PRKCH: variants seen among roughly 807,000 people sequenced by gnomAD.
PRKCH encodes protein kinase C eta.
In PRKCH, 28 loss-of-function variants were observed where a neutral mutation model predicts 82.5. The observed-to-expected ratio is 0.34, with a 90% CI of 0.25 to 0.47. PRKCH has a LOEUF of 0.47. PRKCH is among the 20% of genes least tolerant of loss of function. The pLI is 1.00. For missense variants in PRKCH, 705 were observed against 881.8 expected, an observed-to-expected ratio of 0.80 and a Z score of 2.54; for synonymous variants, 322 against 327.4, an observed-to-expected ratio of 0.98 and a Z score of 0.18.
At chr14:61,221,298 AT>A (rs1479470046) in intron 1 of PRKCH, among the ~76,000 whole-genome samples, 1 of 152,164 alleles carries the variant, frequency 6.6e-6, no homozygotes, top group Non-Finnish European at 1.5e-5. Context: ...TTCTCTAGGG[AT>A]TTCCCATTAA....
chr14:61,512,792 ATTTTC>A (rs2042764647), intron 10 of PRKCH, among the ~76,000 whole-genome samples: 1 of 152,062 alleles, frequency 6.6e-6, no homozygotes, highest in South Asian at 2.1e-4. Flanking sequence ...TACAAGCCCA[ATTTTC>A]TTTGTTTTGG....
At chr14:61,517,083 G>A (rs1208728618) in intron 10 of PRKCH, among the ~76,000 whole-genome samples, 2 of 152,152 alleles carry the variant, frequency 1.3e-5, no homozygotes, top group South Asian at 2.1e-4. Flanking sequence ...ACTGATTCTA[G>A]TGGGCAGGCT....
chr14:61,547,722 C>A, intron 12 of PRKCH, 21 bp from the exon 13 acceptor site: 1 of 1,606,534 alleles, frequency 6.2e-7, no homozygotes, highest in Non-Finnish European at 8.5e-7. Context: ...ATGATTGACA[C>A]TTTCTCTCTC....
intron 1 of PRKCH, among the ~76,000 whole-genome samples, chr14:61,284,363 A>G (rs28469795): frequency 0.034 from 5,148 of 152,334 alleles, 302 homozygotes; most frequent in African/African-American, 0.12. Flanking sequence ...AAAGGCGAAG[A>G]AAATGAAACC....
intron 2 of PRKCH, among the ~76,000 whole-genome samples, chr14:61,427,103 A>C (rs1021379733): frequency 6.6e-6 from 1 of 152,096 alleles, no homozygotes; most frequent in African/African-American, 2.4e-5. Context: ...CAATCAGTAC[A>C]TGTGAGGTAT....
At chr14:61,461,663 G>A (rs1033652255) in intron 9 of PRKCH, among the ~76,000 whole-genome samples, 3 of 152,144 alleles carry the variant, frequency 2.0e-5, no homozygotes, top group Non-Finnish European at 4.4e-5. Context: ...TACCTAACAG[G>A]GGAATTTGAT....
chr14:61,232,409 C>T (rs1280020495), intron 1 of PRKCH, among the ~76,000 whole-genome samples: 1 of 152,160 alleles, frequency 6.6e-6, no homozygotes, highest in Non-Finnish European at 1.5e-5. Context: ...TTAATAGAGA[C>T]AGGGTTTCAC....
At chr14:61,480,884 T>C (rs1234293583) in intron 9 of PRKCH, among the ~76,000 whole-genome samples, 1 of 152,168 alleles carries the variant, frequency 6.6e-6, no homozygotes, top group Non-Finnish European at 1.5e-5. Context: ...CCTGACATCT[T>C]ACACTTCAAC....
At chr14:61,485,083 C>T (rs1886153672) in intron 9 of PRKCH, among the ~76,000 whole-genome samples, 2 of 151,882 alleles carry the variant, frequency 1.3e-5, no homozygotes, top group African/African-American at 2.4e-5. Flanking sequence ...TTGTTCTCTG[C>T]CCATTTGTGA....
upstream of PRKCH, among the ~76,000 whole-genome samples, chr14:61,318,053 C>G (rs1057004193): frequency 1.3e-5 from 2 of 151,948 alleles, no homozygotes; most frequent in East Asian, 1.9e-4. Context: ...CTCTTTATCC[C>G]TGCCCCAATC....
chr14:61,479,284 C>A (rs1303779351), intron 9 of PRKCH, among the ~76,000 whole-genome samples: 1 of 152,216 alleles, frequency 6.6e-6, no homozygotes, highest in Non-Finnish European at 1.5e-5. Flanking sequence ...CTGCACACAG[C>A]CTAGACTAAA....
intron 1 of PRKCH, among the ~76,000 whole-genome samples, chr14:61,252,147 A>G (rs2140073701): frequency 6.6e-6 from 1 of 152,088 alleles, no homozygotes; most frequent in South Asian, 2.1e-4. Flanking sequence ...CGAGGGTCTT[A>G]TTTTTAACAT....
At chr14:61,520,976 C>G (rs1001595034) in intron 10 of PRKCH, among the ~76,000 whole-genome samples, 4 of 152,048 alleles carry the variant, frequency 2.6e-5, no homozygotes, top group Non-Finnish European at 4.4e-5. Context: ...TAAAACAACC[C>G]AAATGTTTAT....
chr14:61,320,545 G>C (rs2045602848), upstream of PRKCH, among the ~76,000 whole-genome samples: 2 of 152,196 alleles, frequency 1.3e-5, no homozygotes, highest in Non-Finnish European at 2.9e-5. Context: ...GTTGCGGTGA[G>C]CCGAGATGGC....
At chr14:61,319,973 G>A (rs1594908428), upstream of PRKCH, among the ~76,000 whole-genome samples, 1 of 152,266 alleles carries the variant, frequency 6.6e-6, no homozygotes, top group Non-Finnish European at 1.5e-5. Flanking sequence ...ATGTGAAATC[G>A]TTGAGAACCT....
chr14:61,457,662 T>G lies in PRKCH; in HGVS notation c.1261T>G (p.Cys421Gly). The change falls in exon 9 of 14, where the codon TGC (cysteine) becomes GGC (glycine). Residue 421 changes from cysteine (C) to glycine (G), a missense_variant. Physicochemically the swap from Cys to Gly is radical, Grantham distance 159. This residue lies in a region of PRKCH where 238 missense variants were observed against 258.1 expected (regional missense o/e 0.92). Transcript: ENST00000332981. ...TCACCCCTTCCTCACTCAGTTGTTC[T>G]GCTGCTTTCAGACCCCCGTAAGTAT... Reference protein sequence around the residue: ...RNHPFLTQLFCCFQTPDRLFF... With the variant: ...RNHPFLTQLFGCFQTPDRLFF... 1 of 1,614,184 alleles carries G rather than the reference T, an allele frequency of 6.2e-7. No homozygotes were observed.
chr14:61,226,670 G>T lies in PRKCH; in HGVS notation c.-19+39002G>T, dbSNP rs538856336. 3.9e-5 allele frequency among the ~76,000 whole-genome samples: 6 copies of T among 152,298 alleles called. No homozygotes were observed. The South Asian group carries it at 1.2e-3, about 32-fold the overall frequency. On this transcript the variant is annotated intron_variant, in intron 1 of 3. Coordinates refer to the PRKCH transcript ENST00000555185. ...AAAGCATTGTATTTGGCAGTGGTTG[G>T]GAGACAATGGTCGTTCTCTAAAGAT...
At chr14:61,213,956 T>C (rs553346139) in intron 1 of PRKCH, among the ~76,000 whole-genome samples, 2 of 152,288 alleles carry the variant, frequency 1.3e-5, no homozygotes, top group South Asian at 4.1e-4. Context: ...ACTTATAGTT[T>C]AGAGACAACT....
At chr14:61,339,738 G>A (rs2045908396) in intron 1 of PRKCH, among the ~76,000 whole-genome samples, 1 of 144,646 alleles carries the variant, frequency 6.9e-6, no homozygotes, top group East Asian at 2.2e-4. Flanking sequence ...CCAGAGTGCA[G>A]TGGCGCAATC....
Sources: gnomAD v4.1 joint callset for allele counts (sites outside exome capture counted in the v4.1 genomes callset) on GRCh38, gnomAD v4.1.1 for gene constraint, gnomAD v4.1.1 regional missense constraint, MANE v1.5 for transcripts, NCBI Gene and HGNC (gene_info 2026-07-23, HGNC 2026-07-21) for gene names.